GLT8D1: variants seen among roughly 807,000 people sequenced by gnomAD.
GLT8D1 encodes the protein glycosyltransferase 8 domain-containing protein 1.
A neutral mutation model predicts 46.2 loss-of-function variants in GLT8D1; 41 were observed. That is an observed-to-expected ratio of 0.89 (90% CI 0.69 to 1.15). The LOEUF is 1.15. Among genes scored for constraint, GLT8D1 ranks in the 50% most tolerant of loss-of-function variants. GLT8D1 has a pLI of 0.00. For missense variants in GLT8D1, 408 were observed against 449.3 expected (o/e 0.91, Z 0.83); for synonymous variants, 150 against 154.2 (o/e 0.97, Z 0.20).
In GLT8D1 at chr3:52,695,233, T is replaced by C; in HGVS notation, c.882A>G (p.Gln294=). 1 of 1,613,920 alleles carries C rather than the reference T, an allele frequency of 6.2e-7. No homozygotes were observed. Among genetic ancestry groups the C allele is most frequent in the Non-Finnish European group, 8.5e-7 (1 of 1,179,854 alleles). Residue 294 remains glutamine, a synonymous_variant, in exon 9 of 10, where the codon CAA becomes CAG. Transcript: ENST00000266014. ...TTPPLLIVFY[Q]QHSTIDPMWN... ...ACATAGGATCGATGGTAGAGTGCTGTTGATAAAATACGATAAGCAGAGGAG... is the reference window on the plus strand; with the variant it reads ...ACATAGGATCGATGGTAGAGTGCTGCTGATAAAATACGATAAGCAGAGGAG...
rs2097343457 is a variant in GLT8D1 at position 52,705,587 on chromosome 3, G to A, written c.-177C>T. On this transcript the variant is annotated 5_prime_UTR_variant, in exon 1 of 10. Transcript: ENST00000266014. ...TACTGCAGGCGATGGAGGAGATGCG[G>A]ATGCAGCCCGCGCCCCGACCCGCCC... is the stretch of plus-strand genomic sequence containing the variant. The A allele has an allele frequency of 6.2e-6, 1 of 161,768 alleles. No homozygotes were observed. The highest frequency in any genetic ancestry group is 1.3e-5 in the Non-Finnish European group (1 of 74,924). The allele number at this position is 161,768 out of a possible 1,614,324, so 10.0% of individuals were successfully genotyped here. A position where few individuals can be genotyped will look rare whatever the true frequency, so the allele number is the denominator to read the frequency against.
intron 3 of GLT8D1, 34 bp from the exon 4 acceptor site, chr3:52,697,968 C>T (rs2097335630): frequency 7.5e-7 from 1 of 1,328,806 alleles, no homozygotes; most frequent in Non-Finnish European, 1.1e-6. Context: ...TGATTACAAT[C>T]TCATGGGCTT....
intron 1 of GLT8D1, among the ~76,000 whole-genome samples, chr3:52,704,455 C>T (rs577574029): frequency 1.7e-5 from 2 of 114,766 alleles, no homozygotes; most frequent in Non-Finnish European, 3.4e-5. Flanking sequence ...CGAGTCTTCG[C>T]CTCAAAAAAA....
At chr3:52,698,497 C>CA (rs1400125459) in intron 3 of GLT8D1, among the ~76,000 whole-genome samples, 4 of 152,200 alleles carry the variant, frequency 2.6e-5, no homozygotes, top group African/African-American at 9.6e-5. Flanking sequence ...GCCTGACCAA[C>CA]ATGGTGAAAC....
intron 1 of GLT8D1, chr3:52,703,884 G>C (rs1309233486): frequency 6.6e-6 from 1 of 152,156 alleles, no homozygotes. Context: ...TTCCTGATCT[G>C]GTTAGAAGGA....
At chr3:52,704,095 C>T (rs909806179) in intron 1 of GLT8D1, among the ~76,000 whole-genome samples, 1 of 152,066 alleles carries the variant, frequency 6.6e-6, no homozygotes, top group African/African-American at 2.4e-5. Flanking sequence ...TTACAGTCAG[C>T]CCTCTGTATC....
Position 52,705,583 on chromosome 3 carries a change from T to C in GLT8D1, c.-173A>G, listed in dbSNP as rs556943482. On this transcript the variant is annotated 5_prime_UTR_variant, in exon 1 of 10. Coordinates refer to ENST00000266014, the MANE Select transcript of GLT8D1 (RefSeq NM_018446.4). ...CCCTTACTGCAGGCGATGGAGGAGA[T>C]GCGGATGCAGCCCGCGCCCCGACCC... 8.2e-4 allele frequency: 131 copies of C among 160,596 alleles called. No homozygotes were observed. The highest frequency in any genetic ancestry group is 1.4e-3 in the Non-Finnish European group (107 of 74,176). 9.9% of individuals were successfully genotyped at this position (160,596 alleles called of 1,614,324 possible).
intron 3 of GLT8D1, among the ~76,000 whole-genome samples, chr3:52,699,635 G>T (rs982510356): frequency 6.6e-6 from 1 of 152,086 alleles, no homozygotes; most frequent in Non-Finnish European, 1.5e-5. Flanking sequence ...CACTGCTCCC[G>T]GCCGCTGTTC....
chr3:52,696,744 C>T lies in GLT8D1; in HGVS notation c.330-85G>A, dbSNP rs2097334082. ...ATAATGCAAAAGAAACCCTATGGACCAAATAGGTGTTTTCAAGCTCCTTTT... is the reference window on the plus strand; with the variant it reads ...ATAATGCAAAAGAAACCCTATGGACTAAATAGGTGTTTTCAAGCTCCTTTT... On this transcript the variant is annotated intron_variant, in intron 4 of 9. Transcript: ENST00000266014. The T allele has an allele frequency of 9.4e-6, 7 of 745,942 alleles. No individual in the cohort carries two copies. In the South Asian group the frequency reaches 1.2e-4, roughly 13 times the overall value. The allele number at this position is 745,942 out of a possible 1,614,324, so 46.2% of individuals were successfully genotyped here.
rs1244964591 is a variant in GLT8D1 at position 52,697,918 on chromosome 3, C to G, written c.132G>C (p.Gly44=). ...RNEVTDSGIV[G]PQPIDFVPNA... is the part of the protein sequence containing the mutation. Reference sequence around the variant, plus strand: ...TTGGGACAAAGTCTATAGGTTGAGGCCCTACAATTCCTGAATCTGAAAACA... The same window carrying G: ...TTGGGACAAAGTCTATAGGTTGAGGGCCTACAATTCCTGAATCTGAAAACA... The change falls in exon 4 of 10, where the codon GGG becomes GGC. Residue 44 remains glycine, a synonymous_variant. Coordinates refer to ENST00000266014, the MANE Select transcript of GLT8D1 (RefSeq NM_018446.4). 2.5e-6 allele frequency: 4 copies of G among 1,609,446 alleles called. No homozygotes were observed. The African/African-American group carries it at 4.0e-5, about 16-fold the overall frequency.
At chr3:52,698,111 G>C (rs1218644735) in intron 3 of GLT8D1, among the ~76,000 whole-genome samples, 177 bp from the exon 4 acceptor site, 1 of 152,140 alleles carries the variant, frequency 6.6e-6, no homozygotes, top group East Asian at 1.9e-4. Flanking sequence ...TTGGAAAAGT[G>C]GAGGAAGCAT....
chr3:52,701,397 C>T (rs2097339252), intron 1 of GLT8D1: 1 of 151,936 alleles, frequency 6.6e-6, no homozygotes, highest in African/African-American at 2.4e-5. Context: ...GAAACGGAGT[C>T]TTGTTCTGTC....
Position 52,694,840 on chromosome 3 carries a change from CT to C in GLT8D1, c.*4del. On this transcript the variant is annotated 3_prime_UTR_variant, in exon 10 of 10. Coordinates refer to ENST00000266014, the MANE Select transcript of GLT8D1 (RefSeq NM_018446.4). ...GAAATGCTTGCTTACAGTTCAAATTCTGTTTCACTTTATGTTTGAGATCTCG... is the reference window on the plus strand; with the variant it reads ...GAAATGCTTGCTTACAGTTCAAATTCGTTTCACTTTATGTTTGAGATCTCG... 1 of 1,598,136 alleles carries C rather than the reference CT, an allele frequency of 6.3e-7. No homozygotes were observed. Among genetic ancestry groups the C allele is most frequent in the Non-Finnish European group, 8.6e-7 (1 of 1,165,504 alleles).
At chr3:52,702,298 A>G (rs1261943970) in intron 1 of GLT8D1, among the ~76,000 whole-genome samples, 3 of 152,204 alleles carry the variant, frequency 2.0e-5, no homozygotes, top group Non-Finnish European at 2.9e-5. Flanking sequence ...TCCCAAAATG[A>G]AAACAACAAG....
intron 7 of GLT8D1, 89 bp from the exon 8 acceptor site, chr3:52,695,676 G>T: frequency 1.3e-6 from 1 of 754,156 alleles, no homozygotes; most frequent in South Asian, 1.7e-5. Context: ...CTGTTAAACT[G>T]ACTTCTTCAG....
intron 1 of GLT8D1, among the ~76,000 whole-genome samples, chr3:52,700,891 G>T (rs142402196): frequency 6.6e-6 from 1 of 151,850 alleles, no homozygotes; most frequent in Non-Finnish European, 1.5e-5. Context: ...GTGAAACCTC[G>T]TCTCTACTAA....
rs1040832589 is a variant in GLT8D1, at chr3:52,705,479, C to G, written c.-69G>C. 1 of 152,808 alleles carries G rather than the reference C, an allele frequency of 6.5e-6. No individual in the cohort carries two copies. The highest frequency in any genetic ancestry group is 1.5e-5 in the Non-Finnish European group (1 of 68,442). 9.5% of individuals were successfully genotyped at this position (152,808 alleles called of 1,614,324 possible). On this transcript the variant is annotated 5_prime_UTR_variant, in exon 1 of 10. Coordinates refer to ENST00000266014, the MANE Select transcript of GLT8D1 (RefSeq NM_018446.4). ...AGTGATCGGAAAGTGATGTGACGCT[C>G]CGGGGATCCCACCAGGCTCAGAGAT...
At chr3:52,697,254 G>A (rs1376476309) in intron 4 of GLT8D1, among the ~76,000 whole-genome samples, 1 of 152,122 alleles carries the variant, frequency 6.6e-6, no homozygotes, top group Admixed American at 6.5e-5. Context: ...TTTTCAAAAT[G>A]GATTAGACTA....
intron 4 of GLT8D1, among the ~76,000 whole-genome samples, chr3:52,697,262 C>G (rs2097334717): frequency 6.6e-6 from 1 of 152,206 alleles, no homozygotes; most frequent in Non-Finnish European, 1.5e-5. Context: ...ATGGATTAGA[C>G]TATCCAAGTT....
Sources: allele counts gnomAD v4.1 joint callset (sites outside exome capture counted in the v4.1 genomes callset), GRCh38; gene constraint gnomAD v4.1.1; transcripts MANE v1.5; gene names NCBI Gene and HGNC (gene_info 2026-07-23, HGNC 2026-07-21).